The following FOXP1 variants were observed in gnomAD, a reference collection of about 807,000 sequenced individuals.
FOXP1 encodes the protein forkhead box P1.
Under a neutral mutation model 98.2 loss-of-function variants are expected in FOXP1, and 15 were observed. The ratio of observed to expected loss-of-function variants is 0.15; its 90% CI spans 0.10 to 0.24. FOXP1 has a LOEUF of 0.24. FOXP1 is among the 10% of genes least tolerant of loss of function. The pLI is 1.00. For missense variants in FOXP1, 633 were observed against 848.5 expected, an observed-to-expected ratio of 0.75 and a Z score of 3.15; for synonymous variants, 371 against 314.5, an observed-to-expected ratio of 1.18 and a Z score of -1.90.
chr3:71,404,120 CTTTTTT>C lies in FOXP1; in HGVS notation c.-167-44882_-167-44877del, dbSNP rs869086663. On this transcript the variant is annotated intron_variant, in intron 3 of 20. Transcript: ENST00000649528. ...ATTGGGGTTTTTTTCTTTTCTTTTT[CTTTTTT>C]TTTTTTTTTTTTTTTTTTGAGATGG... Among the ~76,000 whole-genome samples, 310 of 62,678 alleles carry C rather than the reference CTTTTTT, an allele frequency of 4.9e-3. 2 individuals carry two copies. The highest frequency in any genetic ancestry group is 0.019 in the African/African-American group (299 of 15,708). The allele number at this position is 62,678 out of a possible 152,430, so 41.1% of individuals were successfully genotyped here.
intron 7 of FOXP1, among the ~76,000 whole-genome samples, chr3:71,112,115 G>A (rs953666928): frequency 5.4e-5 from 8 of 148,714 alleles, no homozygotes; most frequent in African/African-American, 1.8e-4. Flanking sequence ...CCTGGTGGTG[G>A]GTGGGGGGGT....
At chr3:70,962,298 C>T (rs762762815) in intron 20 of FOXP1, among the ~76,000 whole-genome samples, 14 of 152,102 alleles carry the variant, frequency 9.2e-5, no homozygotes, top group Non-Finnish European at 2.1e-4. Flanking sequence ...ATACAATGAC[C>T]ACTTTTATCC....
At chr3:71,571,726 G>A (rs1410220096) in intron 2 of FOXP1, 1 of 152,112 alleles carries the variant, frequency 6.6e-6, no homozygotes, top group Non-Finnish European at 1.5e-5. Flanking sequence ...AATTAAATAT[G>A]TTCTATCCAC....
At chr3:71,371,987 G>A (rs2079357916) in intron 3 of FOXP1, among the ~76,000 whole-genome samples, 1 of 151,836 alleles carries the variant, frequency 6.6e-6, no homozygotes, top group Non-Finnish European at 1.5e-5. Flanking sequence ...CTTTGTACAT[G>A]AGGATCATTC....
chr3:71,379,468 T>C (rs1318732283), intron 3 of FOXP1, among the ~76,000 whole-genome samples: 1 of 152,106 alleles, frequency 6.6e-6, no homozygotes, highest in Non-Finnish European at 1.5e-5. Context: ...TTATCTTAGG[T>C]AGAAGTAGGC....
chr3:71,051,940 C>A (rs1286120296), intron 9 of FOXP1, among the ~76,000 whole-genome samples: 1 of 152,172 alleles, frequency 6.6e-6, no homozygotes, highest in East Asian at 1.9e-4. Flanking sequence ...CTTTTCTCCA[C>A]CCTGCCCAAG....
At chr3:71,367,117 T>G (rs1023926301) in intron 3 of FOXP1, among the ~76,000 whole-genome samples, 2 of 152,194 alleles carry the variant, frequency 1.3e-5, no homozygotes, top group Non-Finnish European at 2.9e-5. Context: ...CCAAATGCAC[T>G]GCCTGCTTTG....
intron 4 of FOXP1, among the ~76,000 whole-genome samples, chr3:71,318,983 A>G (rs1576948528): frequency 6.6e-6 from 1 of 152,244 alleles, no homozygotes; most frequent in South Asian, 2.1e-4. Context: ...GAGGACATTC[A>G]TAAACAGAAT....
intron 6 of FOXP1, among the ~76,000 whole-genome samples, chr3:71,119,139 G>C (rs958297182): frequency 3.3e-5 from 5 of 152,170 alleles, no homozygotes; most frequent in African/African-American, 1.2e-4. Flanking sequence ...ATTCAATGTT[G>C]ATGTTCTGAA....
intron 7 of FOXP1, among the ~76,000 whole-genome samples, chr3:71,110,023 T>G (rs1342061120): frequency 6.6e-6 from 1 of 152,148 alleles, no homozygotes; most frequent in South Asian, 2.1e-4. Context: ...CTACTTTTTA[T>G]ACAGACTGAA....
chr3:71,358,660 G>A lies in FOXP1; in HGVS notation c.-73+490C>T, dbSNP rs1257165452. Among the ~76,000 whole-genome samples, 4 of 152,168 alleles carry A rather than the reference G, an allele frequency of 2.6e-5. No homozygotes were observed. The East Asian group carries it at 7.7e-4, about 29-fold the overall frequency. On this transcript the variant is annotated intron_variant, in intron 4 of 20. Coordinates refer to ENST00000649528, the MANE Select transcript of FOXP1 (RefSeq NM_001349338.3). Reference sequence around the variant, plus strand: ...GGAGTGGTACCCAGCGAGGTGTCAGGTTTACAGGTCAAATGTCCGTTTTTG... The same window carrying A: ...GGAGTGGTACCCAGCGAGGTGTCAGATTTACAGGTCAAATGTCCGTTTTTG...
At chr3:71,245,083 A>T (rs2067620923) in intron 5 of FOXP1, 1 of 152,214 alleles carries the variant, frequency 6.6e-6, no homozygotes, top group Admixed American at 6.5e-5. Context: ...TCAGTGGCAG[A>T]AGCGAGAGTT....
chr3:71,445,686 T>A (rs1257681582), intron 3 of FOXP1, among the ~76,000 whole-genome samples: 2 of 140,014 alleles, frequency 1.4e-5, no homozygotes, highest in Non-Finnish European at 3.1e-5. Flanking sequence ...TAGATATTTA[T>A]ACCTTTTTTT....
At chr3:71,266,231 T>C (rs1015697702) in intron 5 of FOXP1, among the ~76,000 whole-genome samples, 3 of 151,532 alleles carry the variant, frequency 2.0e-5, no homozygotes, top group Non-Finnish European at 2.9e-5. Context: ...TTTTGGACTT[T>C]TGTTTATTTT....
intron 5 of FOXP1, among the ~76,000 whole-genome samples, chr3:71,278,442 A>G (rs1159920196): frequency 6.6e-6 from 1 of 152,108 alleles, no homozygotes; most frequent in Non-Finnish European, 1.5e-5. Context: ...GCTTGCCTCC[A>G]TCCTGGTGCT....
chr3:71,017,028 A>AC (rs1289760349), intron 11 of FOXP1, among the ~76,000 whole-genome samples: 59 of 152,260 alleles, frequency 3.9e-4, no homozygotes, highest in African/African-American at 1.3e-3. Flanking sequence ...GAAAAGAAAA[A>AC]GAAAAAAAGG....
chr3:71,149,517 G>T (rs940531944), intron 6 of FOXP1, among the ~76,000 whole-genome samples: 3 of 151,952 alleles, frequency 2.0e-5, no homozygotes, highest in Admixed American at 1.3e-4. Flanking sequence ...AATGAAATAC[G>T]GCATATTCTT....
At chr3:71,176,151 T>A (rs957452154) in intron 6 of FOXP1, among the ~76,000 whole-genome samples, 1 of 152,188 alleles carries the variant, frequency 6.6e-6, no homozygotes, top group Non-Finnish European at 1.5e-5. Flanking sequence ...GCCTGTTACA[T>A]AATCCTAAGA....
At chr3:71,538,498 T>A (rs2044491656) in intron 2 of FOXP1, among the ~76,000 whole-genome samples, 1 of 152,204 alleles carries the variant, frequency 6.6e-6, no homozygotes, top group Admixed American at 6.5e-5. Flanking sequence ...AGTACTTCAT[T>A]CCTTTTTGTG....
Sources: allele counts gnomAD v4.1 joint callset (sites outside exome capture counted in the v4.1 genomes callset), GRCh38; gene constraint gnomAD v4.1.1; transcripts MANE v1.5; gene names NCBI Gene and HGNC (gene_info 2026-07-23, HGNC 2026-07-21).